Variants in LGALS14 observed in about 807,000 individuals in gnomAD.
The protein encoded by LGALS14 is placental protein 13-like.
In LGALS14, 14 loss-of-function variants were observed where a neutral mutation model predicts 14.6. The ratio of observed to expected loss-of-function variants is 0.96; its 90% confidence interval spans 0.64 to 1.50. The LOEUF is 1.50. LGALS14 is among the 40% of genes most tolerant of loss of function. The pLI is 0.00. For missense variants in LGALS14, 180 were observed against 172.0 expected (o/e 1.05, Z -0.26); for synonymous variants, 57 against 63.9 (o/e 0.89, Z 0.51).
Position 39,707,181 on chromosome 19 carries a change from G to A in LGALS14, c.96G>A (p.Lys32=), listed in dbSNP as rs561213478. The change falls in exon 3 of 4, where the codon AAG becomes AAA. Residue 32 remains lysine, a synonymous_variant. Coordinates refer to ENST00000392052, the MANE Select transcript of LGALS14 (RefSeq NM_020129.3). ...ITGTPILTFV[K]DPQLEVNFYT... ...ATGCTGTGTGCTTTGACCTCAGCAAGGACCCACAGCTGGAGGTGAATTTCT... is the reference window on the plus strand; with the variant it reads ...ATGCTGTGTGCTTTGACCTCAGCAAAGACCCACAGCTGGAGGTGAATTTCT... 8 of 1,613,008 alleles carry A rather than the reference G, an allele frequency of 5.0e-6. No individual in the cohort carries two copies. In the Admixed American group the frequency reaches 1.2e-4, roughly 24 times the overall value.
chr19:39,706,785 G>T, intron 2 of LGALS14, 112 bp downstream of exon 2: 1 of 930,944 alleles, frequency 1.1e-6, no homozygotes, highest in East Asian at 2.4e-5. Context: ...CATAATGAAG[G>T]CCTCATGCAA....
chr19:39,707,141 G>A, intron 2 of LGALS14, 37 bp from the exon 3 acceptor site: 1 of 1,512,092 alleles, frequency 6.6e-7, no homozygotes, highest in Non-Finnish European at 9.2e-7. Flanking sequence ...TGCACAATGG[G>A]GGGACCTGCC....
intron 1 of LGALS14, chr19:39,706,098 T>C: frequency 6.5e-7 from 1 of 1,549,584 alleles, no homozygotes; most frequent in Non-Finnish European, 8.8e-7. Context: ...CTGGAGTGAA[T>C]TTTTAAATTC....
chr19:39,705,877 T>G, intron 1 of LGALS14: 1 of 1,611,394 alleles, frequency 6.2e-7, no homozygotes, highest in Non-Finnish European at 8.5e-7. Flanking sequence ...CCACTTGCAG[T>G]CGTCGTAGAA....
rs79696768 is a variant in LGALS14 at position 39,709,141 on chromosome 19, G to A, written c.304-56G>A. The A allele has an allele frequency of 2.8e-3, 3,001 of 1,062,284 alleles. 73 individuals are homozygous for A. In the African/African-American group the frequency reaches 0.04, roughly 14 times the overall value. The allele number at this position is 1,062,284 out of a possible 1,614,324, so 65.8% of individuals were successfully genotyped here. ...TTGTAACTGGGCAGAGAAGAGAAAGGGCTGAAAACCTGTTTGGTGGCATGC... is the reference window on the plus strand; with the variant it reads ...TTGTAACTGGGCAGAGAAGAGAAAGAGCTGAAAACCTGTTTGGTGGCATGC... On this transcript the variant is annotated intron_variant, in intron 3 of 3. Coordinates refer to ENST00000392052, the MANE Select transcript of LGALS14 (RefSeq NM_020129.3).
intron 1 of LGALS14, chr19:39,706,073 A>G: frequency 6.3e-7 from 1 of 1,599,492 alleles, no homozygotes; most frequent in Non-Finnish European, 8.5e-7. Flanking sequence ...CTCTTTCAAC[A>G]AGTGTTGTTT....
In LGALS14 at chr19:39,707,243, A is replaced by G. The variant is rs1335552855; in HGVS notation, c.158A>G (p.Gln53Arg). The G allele has an allele frequency of 6.2e-7, 1 of 1,614,092 alleles. No individual in the cohort carries two copies. The highest frequency in any genetic ancestry group is 1.7e-5 in the Admixed American group (1 of 60,030). ...GATGAGGACTCAGATATTGCTTTCCAATTCCGACTGCACTTTGGTCATCCT... is the reference window on the plus strand; with the variant it reads ...GATGAGGACTCAGATATTGCTTTCCGATTCCGACTGCACTTTGGTCATCCT... ...GMDEDSDIAFQFRLHFGHPAI... is the reference protein window; with the variant it reads ...GMDEDSDIAFRFRLHFGHPAI... The change falls in exon 3 of 4, where the codon CAA becomes CGA. Residue 53 changes from glutamine to arginine, a missense_variant. Gln to Arg is a conservative substitution (Grantham distance 43, BLOSUM62 1). Coordinates refer to ENST00000392052, the MANE Select transcript of LGALS14 (RefSeq NM_020129.3).
At chr19:39,708,939 A>T (rs1973757490) in intron 3 of LGALS14, among the ~76,000 whole-genome samples, 1 of 152,186 alleles carries the variant, frequency 6.6e-6, no homozygotes, top group Non-Finnish European at 1.5e-5. Context: ...GTTGGAAGGG[A>T]GGCCGAGTAA....
chr19:39,707,353 G>C lies in LGALS14; in HGVS notation c.268G>C (p.Glu90Gln). 1 of 1,614,086 alleles carries C rather than the reference G, an allele frequency of 6.2e-7. No individual in the cohort carries two copies. Among genetic ancestry groups the C allele is most frequent in the Admixed American group, 1.7e-5 (1 of 60,030 alleles). ...ACCCTTTGAAGATGGCAAACCATTTGAGCTGTGCATCTATGTGCGTCACAA... is the reference window on the plus strand; with the variant it reads ...ACCCTTTGAAGATGGCAAACCATTTCAGCTGTGCATCTATGTGCGTCACAA... ...YLPFEDGKPF[E>Q]LCIYVRHKEY... Residue 90 changes from glutamate to glutamine, a missense_variant, in exon 3 of 4, where the codon GAG becomes CAG. Glu to Gln is a conservative substitution (Grantham distance 29). Transcript: ENST00000392052.
intron 1 of LGALS14, among the ~76,000 whole-genome samples, 198 bp from the exon 2 acceptor site, chr19:39,706,399 C>T (rs528028905): frequency 1.3e-5 from 2 of 152,200 alleles, no homozygotes; most frequent in African/African-American, 4.8e-5. Flanking sequence ...TCCAGGCATC[C>T]GGGCTCTTGA....
intron 3 of LGALS14, 77 bp downstream of exon 3, chr19:39,707,465 C>G: frequency 8.7e-7 from 1 of 1,150,486 alleles, no homozygotes; most frequent in Non-Finnish European, 1.3e-6. Flanking sequence ...TGACCTGGTG[C>G]CACCAGTCCC....
At position 39,704,747 on chromosome 19, in the gene LGALS14, C is replaced by A. The variant is rs575348103; in HGVS notation, c.15+204C>A. On this transcript the variant is annotated intron_variant, in intron 1 of 3. Coordinates refer to ENST00000392052, the MANE Select transcript of LGALS14 (RefSeq NM_020129.3). Reference sequence around the variant, plus strand: ...CTGTGGACCCTGGACCAGTGTAACCCTCTGTGAGGGTGTGGTGGTGTCTGA... The same window carrying A: ...CTGTGGACCCTGGACCAGTGTAACCATCTGTGAGGGTGTGGTGGTGTCTGA... 2.0e-5 allele frequency among the ~76,000 whole-genome samples: 3 copies of A among 152,162 alleles called. No homozygotes were observed. The East Asian group carries it at 5.8e-4, about 29-fold the overall frequency.
Position 39,706,609 on chromosome 19 carries a change from C to T in LGALS14, c.28C>T (p.Leu10=). The T allele has an allele frequency of 1.2e-6, 2 of 1,613,902 alleles. No homozygotes were observed. The highest frequency in any genetic ancestry group is 1.7e-6 in the Non-Finnish European group (2 of 1,179,772). MSSLPVPYT[L]PVSLPVGSCV... Reference sequence around the variant, plus strand: ...CATACCCTGGCAGGTACCATACACACTGCCTGTTTCCTTGCCTGTTGGTTC... The same window carrying T: ...CATACCCTGGCAGGTACCATACACATTGCCTGTTTCCTTGCCTGTTGGTTC... Residue 10 remains leucine (L), a synonymous_variant, in exon 2 of 4, where the codon CTG becomes TTG. Transcript: ENST00000392052.
chr19:39,705,872 T>G, intron 1 of LGALS14: 1 of 1,610,918 alleles, frequency 6.2e-7, no homozygotes, highest in South Asian at 1.1e-5. Flanking sequence ...ATCAACCACT[T>G]GCAGTCGTCG....
intron 2 of LGALS14, among the ~76,000 whole-genome samples, chr19:39,706,888 G>A (rs1225277528): frequency 6.6e-6 from 1 of 152,194 alleles, no homozygotes; most frequent in Non-Finnish European, 1.5e-5. Flanking sequence ...AGAACACTCA[G>A]TGGGTTTGGG....
At chr19:39,707,064 T>A in intron 2 of LGALS14, 114 bp from the exon 3 acceptor site, 1 of 787,762 alleles carries the variant, frequency 1.3e-6, no homozygotes, top group Admixed American at 2.0e-5. Flanking sequence ...GACTGCAGTA[T>A]CATCGGGGAG....
At chr19:39,704,739 G>A (rs1371741917) in intron 1 of LGALS14, among the ~76,000 whole-genome samples, 196 bp downstream of exon 1, 3 of 152,150 alleles carry the variant, frequency 2.0e-5, no homozygotes, top group African/African-American at 7.2e-5. Flanking sequence ...CCCTGGACCA[G>A]TGTAACCCTC....
intron 1 of LGALS14, 74 bp downstream of exon 1, chr19:39,704,617 A>G: frequency 6.9e-7 from 1 of 1,448,860 alleles, no homozygotes. Context: ...AGGTTTTCTG[A>G]GTTGAAAATA....
chr19:39,707,058 G>A (rs767950786), intron 2 of LGALS14, 120 bp from the exon 3 acceptor site: 27 of 753,318 alleles, frequency 3.6e-5, no homozygotes, highest in Non-Finnish European at 5.1e-5. Context: ...GACCAGGACT[G>A]CAGTATCATC....
Sources: gnomAD v4.1 joint callset for allele counts (sites outside exome capture counted in the v4.1 genomes callset) on GRCh38, gnomAD v4.1.1 for gene constraint, MANE v1.5 for transcripts, NCBI Gene and HGNC (gene_info 2026-07-23, HGNC 2026-07-21) for gene names.